The following ZC3HAV1 variants were observed in gnomAD, a reference collection of about 807,000 sequenced individuals.
The protein encoded by ZC3HAV1 is zinc finger CCCH-type antiviral protein 1.
In ZC3HAV1, 41 loss-of-function variants were observed where a neutral mutation model predicts 86.6. The ratio of observed to expected loss-of-function variants is 0.47; its 90% CI spans 0.37 to 0.61. The LOEUF is 0.61. Among genes scored for constraint, ZC3HAV1 ranks in the 20% least tolerant of loss-of-function variants. ZC3HAV1 has a pLI of 0.00. For synonymous variants in ZC3HAV1, 421 were observed against 432.1 expected, an observed-to-expected ratio of 0.97 and a Z score of 0.32; for missense variants, 964 against 1,141.1, an observed-to-expected ratio of 0.84 and a Z score of 2.24.
At chr7:139,081,247 T>C (rs1422162429) in intron 3 of ZC3HAV1, among the ~76,000 whole-genome samples, 2 of 152,012 alleles carry the variant, frequency 1.3e-5, no homozygotes, top group African/African-American at 4.8e-5. Flanking sequence ...GGTGTGTGAA[T>C]GTGAGGTGTG....
rs938372419 is a variant in ZC3HAV1 at position 139,108,875 on chromosome 7, A to T, written c.308+149T>A. ...AAGCGCGGGCCCTGCAGAGGCTCCC[A>T]GAGGGGAGCAGAGAAGGGAGTGGCT... is the stretch of plus-strand genomic sequence containing the variant. On this transcript the variant is annotated intron_variant, in intron 1 of 12. Transcript: ENST00000242351. The surrounding 1 kb of genome is among the most constrained non-coding windows in gnomAD (Gnocchi z 4.2). 3 of 1,046,430 alleles carry T rather than the reference A, an allele frequency of 2.9e-6. No homozygotes were observed. Among genetic ancestry groups the T allele is most frequent in the Non-Finnish European group, 4.1e-6 (3 of 735,474 alleles). 64.8% of individuals were successfully genotyped at this position (1,046,430 alleles called of 1,614,324 possible).
At chr7:139,082,315 G>A (rs1273709359) in intron 3 of ZC3HAV1, among the ~76,000 whole-genome samples, 1 of 145,338 alleles carries the variant, frequency 6.9e-6, no homozygotes, top group East Asian at 2.1e-4. Context: ...TACTCCTTAG[G>A]ATGGCTATTA....
intron 10 of ZC3HAV1, 137 bp from the exon 11 acceptor site, chr7:139,054,232 G>A (rs1816218339): frequency 1.1e-6 from 1 of 872,262 alleles, no homozygotes; most frequent in East Asian, 3.2e-5. Context: ...GCTGGCTTAG[G>A]GTTCCCACAT....
At chr7:139,058,568 T>C (rs1046655820) in intron 9 of ZC3HAV1, among the ~76,000 whole-genome samples, 1 of 151,666 alleles carries the variant, frequency 6.6e-6, no homozygotes, top group African/African-American at 2.4e-5. Flanking sequence ...TTTACATAAG[T>C]AACTGTATTA....
chr7:139,059,565 C>T (rs1816386297), intron 9 of ZC3HAV1, among the ~76,000 whole-genome samples: 1 of 150,424 alleles, frequency 6.6e-6, no homozygotes, highest in Admixed American at 6.7e-5. Flanking sequence ...TGCAGTGAGC[C>T]GAAATTGTGC....
At chr7:139,055,921 A>G (rs759530694) in intron 9 of ZC3HAV1, among the ~76,000 whole-genome samples, 10 of 152,218 alleles carry the variant, frequency 6.6e-5, no homozygotes, top group Non-Finnish European at 1.3e-4. Flanking sequence ...GATGAATAGT[A>G]TAGTGGAATG....
chr7:139,086,465 C>T (rs950773376), intron 2 of ZC3HAV1, among the ~76,000 whole-genome samples: 1 of 143,672 alleles, frequency 7.0e-6, no homozygotes, highest in East Asian at 2.3e-4. Flanking sequence ...GTGATGCTGA[C>T]CTCTTGTTTG....
chr7:139,109,491 C>T lies in ZC3HAV1; in HGVS notation c.-160G>A. The T allele has an allele frequency of 1.2e-6, 1 of 863,566 alleles. No individual in the cohort carries two copies. Among genetic ancestry groups the T allele is most frequent in the East Asian group, 2.8e-5 (1 of 36,052 alleles). The allele number at this position is 863,566 out of a possible 1,614,324, so 53.5% of individuals were successfully genotyped here. ...GCTCTCCGTCGCCGTTAGCCCAGCCCAGCGATCCACTCTCGGCTCTCAGGT... is the reference window on the plus strand; with the variant it reads ...GCTCTCCGTCGCCGTTAGCCCAGCCTAGCGATCCACTCTCGGCTCTCAGGT... On this transcript the variant is annotated 5_prime_UTR_variant, in exon 1 of 13. Transcript: ENST00000242351.
chr7:139,053,437 A>G lies in ZC3HAV1; in HGVS notation c.2449+14T>C, dbSNP rs1392016911. ...ATGACTCTACTAGTTACGCTTCTCTATCCCGGCACTAACCTTTTCCGTATT... is the reference window on the plus strand; with the variant it reads ...ATGACTCTACTAGTTACGCTTCTCTGTCCCGGCACTAACCTTTTCCGTATT... On this transcript the variant is annotated intron_variant, in intron 12 of 12. Transcript: ENST00000242351. 1.1e-5 allele frequency: 18 copies of G among 1,570,872 alleles called. No individual in the cohort carries two copies. The highest frequency in any genetic ancestry group is 2.0e-5 in the Admixed American group (1 of 50,928).
chr7:139,053,951 A>G lies in ZC3HAV1; in HGVS notation c.2318+14T>C. On this transcript the variant is annotated intron_variant, in intron 11 of 12. Transcript: ENST00000242351. ...CGGTTTTATGTAAAGAAACACGATA[A>G]CGTGGCCACCAACCATGTAAATTTA... The G allele has an allele frequency of 6.3e-7, 1 of 1,599,300 alleles. No individual in the cohort carries two copies. Among genetic ancestry groups the G allele is most frequent in the Non-Finnish European group, 8.5e-7 (1 of 1,176,766 alleles).
intron 2 of ZC3HAV1, among the ~76,000 whole-genome samples, chr7:139,087,316 G>C (rs1258609971): frequency 6.6e-6 from 1 of 152,112 alleles, no homozygotes; most frequent in Non-Finnish European, 1.5e-5. Flanking sequence ...AAGGGCCATA[G>C]ATATCCCAAG....
rs751901605 is a variant in ZC3HAV1, at chr7:139,109,170, G to A, written c.162C>T (p.Thr54=). 2 of 1,600,810 alleles carry A rather than the reference G, an allele frequency of 1.2e-6. No individual in the cohort carries two copies. The highest frequency in any genetic ancestry group is 4.5e-5 in the East Asian group (2 of 44,144). Residue 54 remains threonine, a synonymous_variant, in exon 1 of 13, where the codon ACC becomes ACT. Coordinates refer to ENST00000242351, the MANE Select transcript of ZC3HAV1 (RefSeq NM_020119.4). ...AGPDRFVVLE[T]GGEAGITRSV... ...ATCGGGTGATCCCGGCCTCGCCGCC[G>A]GTCTCCAACACCACAAAGCGGTCGG...
chr7:139,044,405 C>T lies in ZC3HAV1; in HGVS notation c.*3189G>A, dbSNP rs762118411. On this transcript the variant is annotated 3_prime_UTR_variant, in exon 13 of 13. Transcript: ENST00000242351. ...TTCAAACAGCGTAGTCATGCCTGAG[C>T]GTTTACATAATGAAATTCATCTTCT... 5 of 152,046 alleles carry T rather than the reference C, an allele frequency of 3.3e-5. No homozygotes were observed. The highest frequency in any genetic ancestry group is 6.6e-5 in the Admixed American group (1 of 15,258). The allele number at this position is 152,046 out of a possible 1,614,324, so 9.4% of individuals were successfully genotyped here. A position where few individuals can be genotyped will look rare whatever the true frequency, so the allele number is the denominator to read the frequency against.
At chr7:139,091,745 T>C (rs1817441827) in intron 1 of ZC3HAV1, among the ~76,000 whole-genome samples, 2 of 152,078 alleles carry the variant, frequency 1.3e-5, no homozygotes, top group South Asian at 4.1e-4. Context: ...GCCTAGGTGC[T>C]GGGATACACA....
At chr7:139,090,430 T>A (rs1584866839) in intron 1 of ZC3HAV1, among the ~76,000 whole-genome samples, 1 of 152,214 alleles carries the variant, frequency 6.6e-6, no homozygotes, top group Non-Finnish European at 1.5e-5. Flanking sequence ...GAATAAAATA[T>A]GTCAATTTCC....
intron 1 of ZC3HAV1, among the ~76,000 whole-genome samples, chr7:139,102,491 T>C (rs187341026): frequency 6.6e-6 from 1 of 152,158 alleles, no homozygotes; most frequent in East Asian, 1.9e-4. Context: ...AAGAAAACAA[T>C]GAAGACATTT....
At chr7:139,100,028 C>A (rs1455687057) in intron 1 of ZC3HAV1, among the ~76,000 whole-genome samples, 3 of 151,482 alleles carry the variant, frequency 2.0e-5, no homozygotes, top group Non-Finnish European at 2.9e-5. Context: ...TACTTTATCT[C>A]AAAAAATAAA....
intron 1 of ZC3HAV1, among the ~76,000 whole-genome samples, chr7:139,092,155 C>T (rs1033644239): frequency 7.9e-5 from 12 of 152,184 alleles, no homozygotes; most frequent in African/African-American, 2.9e-4. Context: ...AGATGCGGGA[C>T]TTTGGGCGTT....
At chr7:139,070,901 G>C (rs1167533534) in intron 7 of ZC3HAV1, among the ~76,000 whole-genome samples, 1 of 151,550 alleles carries the variant, frequency 6.6e-6, no homozygotes, top group East Asian at 2.0e-4. Flanking sequence ...AGAATTGCTT[G>C]AACCTGGGAG....
Sources: gnomAD v4.1 joint callset for allele counts (sites outside exome capture counted in the v4.1 genomes callset) on GRCh38, gnomAD v4.1.1 for gene constraint, Gnocchi (gnomAD v3.1) non-coding constraint, MANE v1.5 for transcripts, NCBI Gene and HGNC (gene_info 2026-07-23, HGNC 2026-07-21) for gene names.